The following SHB variants were observed in gnomAD, a reference collection of about 807,000 sequenced individuals.
The protein encoded by SHB is SH2 domain-containing adapter protein B.
SHB carries 20 observed loss-of-function variants against 52.3 expected under a neutral mutation model. The observed-to-expected ratio is 0.38, with a 90% CI of 0.27 to 0.56. The LOEUF is 0.56. Ranked by LOEUF, SHB falls within the 20% of genes least tolerant of loss-of-function variation. The pLI is 0.71. For missense variants in SHB, 825 were observed against 723.3 expected (o/e 1.14, Z -1.61); for synonymous variants, 397 against 316.5 (o/e 1.25, Z -2.70).
At chr9:38,005,096 C>T (rs1821062652) in intron 2 of SHB, among the ~76,000 whole-genome samples, 1 of 152,200 alleles carries the variant, frequency 6.6e-6, no homozygotes, top group Non-Finnish European at 1.5e-5. Flanking sequence ...ATCCTGCCCT[C>T]CAGGGGTTCC....
intron 2 of SHB, among the ~76,000 whole-genome samples, chr9:37,987,011 G>A (rs1387178181): frequency 6.6e-6 from 1 of 152,250 alleles, no homozygotes; most frequent in Non-Finnish European, 1.5e-5. Flanking sequence ...AGCCATAGGG[G>A]ACAGGCTTTC....
intron 1 of SHB, among the ~76,000 whole-genome samples, chr9:38,047,110 T>C (rs927648059): frequency 1.3e-5 from 2 of 152,224 alleles, no homozygotes; most frequent in Non-Finnish European, 2.9e-5. Flanking sequence ...AATGAGTTCA[T>C]GTTCTCCAAG....
intron 2 of SHB, among the ~76,000 whole-genome samples, chr9:37,982,558 C>T (rs577235861): frequency 1.9e-4 from 29 of 151,538 alleles, no homozygotes; most frequent in East Asian, 9.7e-4. Flanking sequence ...TTTGGGAGGC[C>T]GAGGCGGGCG....
At chr9:38,059,328 C>T (rs1821863205) in intron 1 of SHB, among the ~76,000 whole-genome samples, 1 of 138,256 alleles carries the variant, frequency 7.2e-6, no homozygotes, top group African/African-American at 2.7e-5. Flanking sequence ...GCTTGGAAAA[C>T]ACTGGGCCTG....
At chr9:38,015,393 C>T (rs1266989969) in intron 2 of SHB, 1 of 703,028 alleles carries the variant, frequency 1.4e-6, no homozygotes, top group Admixed American at 2.0e-5. Context: ...TTCTTCTTGA[C>T]TCCACACAAT....
chr9:38,003,980 C>G (rs148448548), intron 2 of SHB, among the ~76,000 whole-genome samples: 59 of 152,226 alleles, frequency 3.9e-4, no homozygotes, highest in Middle Eastern at 6.8e-3. Flanking sequence ...GGAGCTGGCC[C>G]GGGGGATCTA....
At chr9:37,948,439 G>C (rs17847956) in intron 5 of SHB, among the ~76,000 whole-genome samples, 196 bp downstream of exon 5, 1,858 of 152,330 alleles carry the variant, frequency 0.012, 19 homozygotes, top group Middle Eastern at 0.034. Context: ...TCTTCTGGAA[G>C]GGCAGCAACA....
intron 1 of SHB, among the ~76,000 whole-genome samples, chr9:38,022,928 G>T (rs1244276363): frequency 6.6e-6 from 1 of 152,196 alleles, no homozygotes; most frequent in Non-Finnish European, 1.5e-5. Flanking sequence ...TTCTGCTTTG[G>T]GGGGAAGGTC....
intron 4 of SHB, among the ~76,000 whole-genome samples, chr9:37,954,913 C>T (rs997065838): frequency 1.3e-5 from 2 of 151,982 alleles, no homozygotes; most frequent in African/African-American, 4.8e-5. Context: ...CAATAAAGGG[C>T]CCGGCCCTGC....
At chr9:38,063,658 C>G (rs139200771) in intron 1 of SHB, among the ~76,000 whole-genome samples, 59 of 152,374 alleles carry the variant, frequency 3.9e-4, no homozygotes, top group African/African-American at 1.1e-3. Flanking sequence ...CTGGTTGTAT[C>G]TGTCTCCCTG....
intron 1 of SHB, among the ~76,000 whole-genome samples, chr9:38,026,773 G>A (rs1377330460): frequency 2.0e-5 from 3 of 152,230 alleles, no homozygotes; most frequent in Non-Finnish European, 4.4e-5. Context: ...GCTTTCTAAT[G>A]TACAGGAAAC....
intron 2 of SHB, among the ~76,000 whole-genome samples, chr9:38,005,819 C>T (rs556423662): frequency 2.0e-5 from 3 of 152,230 alleles, no homozygotes; most frequent in South Asian, 4.2e-4. Flanking sequence ...GAACTGTGGC[C>T]GGCTGTCTCC....
Position 37,935,906 on chromosome 9 carries a change from C to T in SHB, c.1346+12729G>A, listed in dbSNP as rs1832363543. Among the ~76,000 whole-genome samples, 3 of 146,746 alleles carry T rather than the reference C, an allele frequency of 2.0e-5. 1 individual carries two copies. Among genetic ancestry groups the T allele is most frequent in the South Asian group, 4.3e-4 (2 of 4,616 alleles). On this transcript the variant is annotated intron_variant, in intron 5 of 5. Transcript: ENST00000377707. ...TCCTAACTCCATAGCCAATGAGCTT[C>T]CTGCTCTGCCTCATTAAAGAAAAAA...
chr9:38,046,519 T>C (rs926775427), intron 1 of SHB, among the ~76,000 whole-genome samples: 1 of 152,224 alleles, frequency 6.6e-6, no homozygotes, highest in Non-Finnish European at 1.5e-5. Context: ...AGACACCACA[T>C]TCCTCTGAAC....
In SHB at chr9:37,980,976, T is replaced by C. The variant is rs1820717028; in HGVS notation, c.839-6139A>G. Among the ~76,000 whole-genome samples, 3 of 152,348 alleles carry C rather than the reference T, an allele frequency of 2.0e-5. No individual in the cohort carries two copies. The South Asian group carries it at 6.2e-4, about 32-fold the overall frequency. On this transcript the variant is annotated intron_variant, in intron 2 of 5. Transcript: ENST00000377707. ...AACAGAGGAACTGCCATCCAGGCTT[T>C]GTTGTTCCATTCACAGGGCACGAGC...
At chr9:37,948,510 TA>T in intron 5 of SHB, 124 bp downstream of exon 5, 2 of 1,184,650 alleles carry the variant, frequency 1.7e-6, no homozygotes, top group Non-Finnish European at 2.4e-6. Flanking sequence ...AACCCAGGCC[TA>T]AAATAACGTG....
At chr9:38,054,848 A>AC (rs1297600312) in intron 1 of SHB, among the ~76,000 whole-genome samples, 1 of 152,142 alleles carries the variant, frequency 6.6e-6, no homozygotes, top group Non-Finnish European at 1.5e-5. Context: ...AAAAAAGTCA[A>AC]CCCCAGCTGT....
At chr9:38,001,425 G>T (rs1821011667) in intron 2 of SHB, among the ~76,000 whole-genome samples, 1 of 152,212 alleles carries the variant, frequency 6.6e-6, no homozygotes, top group South Asian at 2.1e-4. Flanking sequence ...GTCAAACCCA[G>T]GGCTCTGTCC....
intron 1 of SHB, among the ~76,000 whole-genome samples, chr9:38,037,053 G>A (rs542847283): frequency 2.4e-4 from 37 of 152,330 alleles, no homozygotes; most frequent in African/African-American, 8.7e-4. Context: ...GCAGGACCCC[G>A]CAGCACGGGA....
Sources: gnomAD v4.1 joint callset for allele counts (sites outside exome capture counted in the v4.1 genomes callset) on GRCh38, gnomAD v4.1.1 for gene constraint, MANE v1.5 for transcripts, NCBI Gene and HGNC (gene_info 2026-07-23, HGNC 2026-07-21) for gene names.